LSAMP: variants seen among roughly 807,000 people sequenced by gnomAD.
LSAMP encodes limbic system-associated membrane protein.
In LSAMP, 7 loss-of-function variants were observed where a neutral mutation model predicts 38.6. The ratio of observed to expected loss-of-function variants is 0.18; its 90% CI spans 0.10 to 0.34. LSAMP has a LOEUF of 0.34. LSAMP is among the 10% of genes least tolerant of loss of function. LSAMP has a pLI of 1.00. For synonymous variants in LSAMP, 154 were observed against 166.8 expected (o/e 0.92, Z 0.59); for missense variants, 313 against 420.0 (o/e 0.75, Z 2.23).
At chr3:115,833,928 A>G (rs1033389927) in intron 6 of LSAMP, among the ~76,000 whole-genome samples, 1 of 152,122 alleles carries the variant, frequency 6.6e-6, no homozygotes, top group African/African-American at 2.4e-5. Context: ...TCTAAATACG[A>G]TGTAGGAGGC....
intron 1 of LSAMP, among the ~76,000 whole-genome samples, chr3:116,238,292 A>G (rs1246119614): frequency 6.6e-6 from 1 of 152,188 alleles, no homozygotes; most frequent in Non-Finnish European, 1.5e-5. Context: ...TACTAAACTA[A>G]CCTAAGCTGT....
intron 2 of LSAMP, among the ~76,000 whole-genome samples, chr3:116,083,414 A>G (rs923689701): frequency 1.3e-5 from 2 of 152,206 alleles, no homozygotes; most frequent in Admixed American, 1.3e-4. Context: ...TATTTTTCAT[A>G]TGACAAAACT....
At chr3:115,880,519 C>T (rs1286836354) in intron 3 of LSAMP, among the ~76,000 whole-genome samples, 2 of 152,114 alleles carry the variant, frequency 1.3e-5, no homozygotes, top group African/African-American at 4.8e-5. Context: ...TTGAAAACAA[C>T]TTTAATATCC....
At chr3:116,276,056 G>A (rs1440925270) in intron 1 of LSAMP, among the ~76,000 whole-genome samples, 1 of 152,180 alleles carries the variant, frequency 6.6e-6, no homozygotes, top group East Asian at 1.9e-4. Context: ...ACCAGGCTAT[G>A]TTTTAACATT....
intron 6 of LSAMP, among the ~76,000 whole-genome samples, chr3:115,810,727 T>C (rs997974797): frequency 3.9e-5 from 6 of 152,200 alleles, no homozygotes; most frequent in Non-Finnish European, 7.3e-5. Flanking sequence ...CCCAGCCTCC[T>C]CCTGTTGGCC....
chr3:116,327,964 C>T (rs757550611), intron 1 of LSAMP, among the ~76,000 whole-genome samples: 31 of 152,058 alleles, frequency 2.0e-4, no homozygotes, highest in Admixed American at 7.9e-4. Flanking sequence ...TCTGACATTT[C>T]CTCAATTCTG....
chr3:116,244,710 C>G (rs373039300), intron 1 of LSAMP, among the ~76,000 whole-genome samples: 3 of 152,280 alleles, frequency 2.0e-5, no homozygotes, highest in East Asian at 1.9e-4. Context: ...TATTAGAAAA[C>G]AAACTCCAAA....
intron 1 of LSAMP, among the ~76,000 whole-genome samples, chr3:116,126,742 A>C (rs775275265): frequency 1.3e-5 from 2 of 152,164 alleles, no homozygotes; most frequent in Non-Finnish European, 2.9e-5. Flanking sequence ...CATGCCTGTA[A>C]TCCCAGCTAC....
chr3:115,918,302 C>A (rs961292591), intron 3 of LSAMP, among the ~76,000 whole-genome samples: 3 of 151,962 alleles, frequency 2.0e-5, no homozygotes, highest in Non-Finnish European at 4.4e-5. Context: ...AAAAAATAGC[C>A]AAGGGAAATG....
At chr3:116,211,871 A>G (rs2046160731) in intron 1 of LSAMP, among the ~76,000 whole-genome samples, 1 of 152,228 alleles carries the variant, frequency 6.6e-6, no homozygotes, top group Non-Finnish European at 1.5e-5. Context: ...AGATAAAAAC[A>G]AAACATGAGG....
intron 6 of LSAMP, among the ~76,000 whole-genome samples, chr3:115,838,444 G>A (rs1225549527): frequency 3.3e-5 from 5 of 152,176 alleles, no homozygotes; most frequent in Admixed American, 3.3e-4. Context: ...GGTATCACTC[G>A]AAGTCCAAGT....
intron 1 of LSAMP, among the ~76,000 whole-genome samples, chr3:116,288,566 A>C (rs74912489): frequency 0.037 from 5,574 of 152,298 alleles, 131 homozygotes; most frequent in Middle Eastern, 0.068. Context: ...TTAAAACTTC[A>C]TTCCATTTAT....
At chr3:116,371,539 C>T (rs564841789) in intron 1 of LSAMP, among the ~76,000 whole-genome samples, 106 of 152,040 alleles carry the variant, frequency 7.0e-4, no homozygotes, top group African/African-American at 2.3e-3. Flanking sequence ...ACTACCCCAA[C>T]GTAAGAAAAG....
At chr3:115,861,846 A>C (rs1280961293) in intron 3 of LSAMP, among the ~76,000 whole-genome samples, 1 of 143,538 alleles carries the variant, frequency 7.0e-6, no homozygotes, top group East Asian at 2.0e-4. Context: ...TAAATTTGTA[A>C]TCTACACGAG....
At chr3:116,341,819 G>A (rs2047999245) in intron 1 of LSAMP, among the ~76,000 whole-genome samples, 1 of 151,988 alleles carries the variant, frequency 6.6e-6, no homozygotes, top group Non-Finnish European at 1.5e-5. Context: ...CACTTGAAAT[G>A]TGTTGAGAAA....
intron 1 of LSAMP, among the ~76,000 whole-genome samples, chr3:116,401,288 T>A (rs185925686): frequency 1.6e-3 from 234 of 149,660 alleles, no homozygotes; most frequent in African/African-American, 5.4e-3. Flanking sequence ...CTTGGTGACA[T>A]TTTTTTTTTC....
intron 1 of LSAMP, among the ~76,000 whole-genome samples, chr3:116,164,328 T>A (rs775737048): frequency 6.6e-6 from 1 of 151,836 alleles, no homozygotes; most frequent in Non-Finnish European, 1.5e-5. Context: ...GAGGCAATCA[T>A]TCTTCCTTTT....
chr3:116,297,714 A>C (rs1218794805), intron 1 of LSAMP, among the ~76,000 whole-genome samples: 1 of 152,184 alleles, frequency 6.6e-6, no homozygotes, highest in Non-Finnish European at 1.5e-5. Context: ...GACACTAAAA[A>C]ATTGATAAAA....
chr3:116,293,181 A>G (rs774640029), intron 1 of LSAMP, among the ~76,000 whole-genome samples: 5 of 152,082 alleles, frequency 3.3e-5, no homozygotes, highest in Non-Finnish European at 7.4e-5. Context: ...GGTGATTTCT[A>G]TTTCAAAGGT....
Sources: gnomAD v4.1 joint callset for allele counts (sites outside exome capture counted in the v4.1 genomes callset) on GRCh38, gnomAD v4.1.1 for gene constraint, MANE v1.5 for transcripts, NCBI Gene and HGNC (gene_info 2026-07-23, HGNC 2026-07-21) for gene names.